The following SULF1 variants were observed in gnomAD, a reference collection of about 807,000 sequenced individuals.
SULF1 encodes the protein extracellular sulfatase Sulf-1.
SULF1 carries 46 observed loss-of-function variants against 110.5 expected under a neutral mutation model. The ratio of observed to expected loss-of-function variants is 0.42; its 90% CI spans 0.33 to 0.53. SULF1 has a LOEUF of 0.53. Among genes scored for constraint, SULF1 ranks in the 20% least tolerant of loss-of-function variants. SULF1 has a pLI of 0.12. For synonymous variants in SULF1, 371 were observed against 387.1 expected (o/e 0.96, Z 0.49); for missense variants, 941 against 1,094.2 (o/e 0.86, Z 1.98).
chr8:69,622,896 A>T (rs1238220825), intron 14 of SULF1, among the ~76,000 whole-genome samples: 6 of 152,112 alleles, frequency 3.9e-5, no homozygotes, highest in Non-Finnish European at 8.8e-5. Flanking sequence ...TTGCTCCCTG[A>T]TCTGGAAACT....
At chr8:69,599,708 T>C (rs1807635399) in intron 8 of SULF1, among the ~76,000 whole-genome samples, 1 of 152,192 alleles carries the variant, frequency 6.6e-6, no homozygotes, top group Non-Finnish European at 1.5e-5. Context: ...AGTTCAAATA[T>C]AAATAAATAA....
intron 14 of SULF1, among the ~76,000 whole-genome samples, chr8:69,622,471 A>T (rs1809692525): frequency 6.6e-6 from 1 of 152,024 alleles, no homozygotes; most frequent in African/African-American, 2.4e-5. Flanking sequence ...AATGCCAGCT[A>T]CTTCTCGGAA....
At chr8:69,597,640 C>G (rs1250054930) in intron 8 of SULF1, 2 of 152,196 alleles carry the variant, frequency 1.3e-5, no homozygotes, top group Admixed American at 1.3e-4. Context: ...CCAAGCACAT[C>G]AAGGTAACTG....
chr8:69,583,092 T>C (rs1806192135), intron 6 of SULF1, among the ~76,000 whole-genome samples: 1 of 152,182 alleles, frequency 6.6e-6, no homozygotes, highest in Admixed American at 6.5e-5. Flanking sequence ...GTAGACCTAA[T>C]TGGTTCACTC....
intron 8 of SULF1, among the ~76,000 whole-genome samples, chr8:69,599,704 A>G (rs1208518401): frequency 2.6e-5 from 4 of 152,232 alleles, no homozygotes; most frequent in Non-Finnish European, 5.9e-5. Flanking sequence ...AAAGAGTTCA[A>G]ATATAAATAA....
At chr8:69,586,591 A>G in intron 7 of SULF1, 83 bp downstream of exon 7, 1 of 1,409,120 alleles carries the variant, frequency 7.1e-7, no homozygotes, top group Non-Finnish European at 9.6e-7. Flanking sequence ...TAAACTATCC[A>G]CAAGATTGGC....
chr8:69,634,365 T>C (rs1810811030), intron 19 of SULF1, among the ~76,000 whole-genome samples: 1 of 152,226 alleles, frequency 6.6e-6, no homozygotes, highest in Non-Finnish European at 1.5e-5. Flanking sequence ...CTAGAATTAT[T>C]GTCATAAGTT....
chr8:69,530,996 C>T (rs943143143), intron 3 of SULF1, among the ~76,000 whole-genome samples: 2 of 152,104 alleles, frequency 1.3e-5, no homozygotes, highest in African/African-American at 4.8e-5. Flanking sequence ...ATTTCCAAAA[C>T]GATGGCATGA....
At chr8:69,586,538 A>G in intron 7 of SULF1, 30 bp downstream of exon 7, 1 of 1,597,798 alleles carries the variant, frequency 6.3e-7, no homozygotes, top group South Asian at 1.1e-5. Context: ...ACACTGCATC[A>G]ATTTACTTTG....
intron 3 of SULF1, among the ~76,000 whole-genome samples, chr8:69,554,806 C>T (rs1299556875): frequency 6.6e-6 from 1 of 151,716 alleles, no homozygotes; most frequent in Non-Finnish European, 1.5e-5. Context: ...GGTGAAACCC[C>T]GTCTTTACTG....
chr8:69,650,699 C>A (rs1022160088), intron 22 of SULF1, among the ~76,000 whole-genome samples: 2 of 152,138 alleles, frequency 1.3e-5, no homozygotes, highest in African/African-American at 4.8e-5. Flanking sequence ...CATGGATATT[C>A]TCTTGCTATC....
intron 3 of SULF1, among the ~76,000 whole-genome samples, chr8:69,544,299 C>T (rs1393438191): frequency 2.0e-5 from 3 of 151,450 alleles, no homozygotes; most frequent in African/African-American, 2.4e-5. Flanking sequence ...GATGGAGTCT[C>T]GTTCTGTCAC....
At chr8:69,620,372 G>T (rs901381563) in intron 13 of SULF1, among the ~76,000 whole-genome samples, 1 of 152,150 alleles carries the variant, frequency 6.6e-6, no homozygotes, top group African/African-American at 2.4e-5. Context: ...CCCCATTTAG[G>T]GCTGTAGATT....
rs1813056373 is a variant in SULF1, at chr8:69,660,912, T to C, written c.*2377T>C. On this transcript the variant is annotated 3_prime_UTR_variant, in exon 23 of 23. Transcript: ENST00000402687. Reference sequence around the variant, plus strand: ...CTTCAAATAAAAGGTGTTTAAACTTTTTTCTGTTTCAGAGAAATGAACTTA... The same window carrying C: ...CTTCAAATAAAAGGTGTTTAAACTTCTTTCTGTTTCAGAGAAATGAACTTA... The C allele has an allele frequency of 6.5e-6, 1 of 152,782 alleles. No homozygotes were observed. The allele number at this position is 152,782 out of a possible 1,614,324, so 9.5% of individuals were successfully genotyped here.
chr8:69,653,744 G>C (rs912974166), intron 22 of SULF1, among the ~76,000 whole-genome samples: 15 of 152,142 alleles, frequency 9.9e-5, no homozygotes, highest in Admixed American at 9.2e-4. Flanking sequence ...GATCAGCCCA[G>C]CTCCCAACCT....
At chr8:69,484,572 C>T (rs1223363586) in intron 1 of SULF1, among the ~76,000 whole-genome samples, 2 of 152,134 alleles carry the variant, frequency 1.3e-5, no homozygotes, top group African/African-American at 2.4e-5. Flanking sequence ...TAATTCTGCC[C>T]TTGGAAAGTT....
intron 3 of SULF1, among the ~76,000 whole-genome samples, chr8:69,506,713 C>T (rs2150581374): frequency 6.6e-6 from 1 of 151,996 alleles, no homozygotes; most frequent in South Asian, 2.1e-4. Context: ...CCAAGGAAAA[C>T]TCTTTGCTCT....
chr8:69,558,089 A>G (rs938350230), intron 3 of SULF1, among the ~76,000 whole-genome samples: 1 of 152,222 alleles, frequency 6.6e-6, no homozygotes, highest in African/African-American at 2.4e-5. Flanking sequence ...GGATTCATGT[A>G]TCTTATAAAG....
At position 69,628,170 on chromosome 8, in the gene SULF1, G is replaced by T. The variant is rs766893395; in HGVS notation, c.2043-1G>T. ...TCACTTTTTAATCTTCTCTCCTGCA[G>T]CTATTACAATAAAGAGAAAGGTGTA... On this transcript the variant is annotated splice_acceptor_variant, in intron 17 of 22. Coordinates refer to ENST00000402687, the MANE Select transcript of SULF1 (RefSeq NM_001128205.2). LOFTEE classifies it high-confidence loss of function. 5 of 1,612,606 alleles carry T rather than the reference G, an allele frequency of 3.1e-6. No homozygotes were observed. The highest frequency in any genetic ancestry group is 4.2e-6 in the Non-Finnish European group (5 of 1,178,644).
Sources: gnomAD v4.1 joint callset for allele counts (sites outside exome capture counted in the v4.1 genomes callset) on GRCh38, gnomAD v4.1.1 for gene constraint, MANE v1.5 for transcripts, NCBI Gene and HGNC (gene_info 2026-07-23, HGNC 2026-07-21) for gene names.